Variants in TTLL5 observed in about 807,000 individuals in gnomAD.
TTLL5 encodes the protein tubulin tyrosine ligase like 5.
TTLL5 carries 132 observed loss-of-function variants against 168.4 expected under a neutral mutation model. The observed-to-expected ratio is 0.78, with a 90% CI of 0.68 to 0.91. The LOEUF is 0.91. Ranked by LOEUF, TTLL5 falls within the 40% of genes least tolerant of loss-of-function variation. The pLI, the probability that TTLL5 is intolerant of heterozygous loss-of-function variation, is 0.00. For missense variants in TTLL5, 1,545 were observed against 1,581.5 expected, an observed-to-expected ratio of 0.98 and a Z score of 0.39; for synonymous variants, 546 against 558.6, an observed-to-expected ratio of 0.98 and a Z score of 0.32.
intron 29 of TTLL5, among the ~76,000 whole-genome samples, chr14:75,865,373 G>A (rs575437562): frequency 6.6e-6 from 1 of 151,906 alleles, no homozygotes; most frequent in South Asian, 2.1e-4. Context: ...ATACTGGATA[G>A]TGGAAGTATC....
chr14:75,710,982 A>T (rs1344679265), intron 9 of TTLL5: 1 of 152,234 alleles, frequency 6.6e-6, no homozygotes, highest in African/African-American at 2.4e-5. Context: ...TTTGGACCTC[A>T]AATTAATACT....
At chr14:75,872,865 C>T (rs554873952) in intron 29 of TTLL5, among the ~76,000 whole-genome samples, 4 of 147,090 alleles carry the variant, frequency 2.7e-5, no homozygotes, top group East Asian at 2.1e-4. Flanking sequence ...GAGCCAAGAT[C>T]GTGGCCATTG....
rs1000454204 is a variant in TTLL5, at chr14:75,790,694, T to G, written c.2987-2222T>G. ...TGCCTAATCTGGTCTCGAACTTCTG[T>G]GCTAAAGTGGCCCTCCTGCCTCAGC... On this transcript the variant is annotated intron_variant, in intron 26 of 31. Coordinates refer to ENST00000298832, the MANE Select transcript of TTLL5 (RefSeq NM_015072.5). 2.6e-5 allele frequency among the ~76,000 whole-genome samples: 4 copies of G among 151,652 alleles called. No homozygotes were observed. In the South Asian group the frequency reaches 8.3e-4, roughly 32 times the overall value.
chr14:75,858,114 GTTGGGAGGAGGGGGGATCC>G (rs1209471814), intron 28 of TTLL5, among the ~76,000 whole-genome samples: 1 of 152,194 alleles, frequency 6.6e-6, no homozygotes, highest in Non-Finnish European at 1.5e-5. Flanking sequence ...CTGCGGAGAG[GTTGGGAGGAGGGGGGATCC>G]TCAGGACCCT....
Position 75,737,485 on chromosome 14 carries a change from T to A in TTLL5, c.1281+2196T>A, listed in dbSNP as rs751933783. On this transcript the variant is annotated intron_variant, in intron 15 of 31. Coordinates refer to ENST00000298832, the MANE Select transcript of TTLL5 (RefSeq NM_015072.5). Reference sequence around the variant, plus strand: ...GCTTGGAGATTATTTTTTCCTTTTTTATATCATAGATCTAGGAGATGGAAA... The same window carrying A: ...GCTTGGAGATTATTTTTTCCTTTTTAATATCATAGATCTAGGAGATGGAAA... The A allele has an allele frequency of 4.3e-6, 6 of 1,407,986 alleles. No homozygotes were observed. In the African/African-American group the frequency reaches 8.8e-5, roughly 21 times the overall value. The allele number at this position is 1,407,986 out of a possible 1,614,324, so 87.2% of individuals were successfully genotyped here.
At chr14:75,950,104 G>A (rs1281121241) in intron 31 of TTLL5, among the ~76,000 whole-genome samples, 2 of 152,108 alleles carry the variant, frequency 1.3e-5, no homozygotes, top group African/African-American at 2.4e-5. Context: ...ACACAAAATA[G>A]AGAAACCTAA....
At chr14:75,804,634 G>A (rs1893544181) in intron 27 of TTLL5, among the ~76,000 whole-genome samples, 1 of 152,174 alleles carries the variant, frequency 6.6e-6, no homozygotes, top group Non-Finnish European at 1.5e-5. Context: ...TTTCTTAGTA[G>A]AAAAAGTTGT....
intron 6 of TTLL5, among the ~76,000 whole-genome samples, chr14:75,693,352 A>C (rs188055130): frequency 6.6e-6 from 1 of 152,324 alleles, no homozygotes; most frequent in Admixed American, 6.5e-5. Context: ...AGGATTGGAC[A>C]TGAGGATTGC....
intron 18 of TTLL5, among the ~76,000 whole-genome samples, chr14:75,761,022 C>T (rs1160224108): frequency 1.3e-5 from 2 of 152,028 alleles, no homozygotes; most frequent in African/African-American, 4.8e-5. Context: ...CTATCAAGAA[C>T]TCCTACAACT....
rs771277300 is a variant in TTLL5, at chr14:75,783,142, A to C, written c.2603-5A>C. ...TGATGTCTTGTTTTGTTTTGTTTTT[A>C]ATAGGATTTACCACTTCAGCAGAAA... On this transcript the variant is annotated splice_polypyrimidine_tract_variant and splice_region_variant and intron_variant, in intron 25 of 31. Transcript: ENST00000298832. 1.9e-6 allele frequency: 3 copies of C among 1,596,148 alleles called. No individual in the cohort carries two copies. Among genetic ancestry groups the C allele is most frequent in the Non-Finnish European group, 2.6e-6 (3 of 1,174,134 alleles).
intron 31 of TTLL5, chr14:75,906,676 A>C (rs1405730815): frequency 2.0e-6 from 2 of 985,882 alleles, no homozygotes; most frequent in East Asian, 2.3e-4. Context: ...GGCCAATTTA[A>C]GGTAACGGTA....
chr14:75,826,298 C>CACACACACAA (rs755036129), intron 28 of TTLL5, among the ~76,000 whole-genome samples: 1 of 127,472 alleles, frequency 7.8e-6, no homozygotes, highest in Non-Finnish European at 1.8e-5. Context: ...GATACGCGTA[C>CACACACACAA]ACACACACAC....
At chr14:75,895,600 A>G (rs2032618386) in intron 30 of TTLL5, among the ~76,000 whole-genome samples, 1 of 152,118 alleles carries the variant, frequency 6.6e-6, no homozygotes, top group African/African-American at 2.4e-5. Flanking sequence ...AGATAATCAT[A>G]ATGAAAATTA....
chr14:75,806,620 T>C (rs1437191461), intron 27 of TTLL5, among the ~76,000 whole-genome samples: 2 of 152,214 alleles, frequency 1.3e-5, no homozygotes, highest in Non-Finnish European at 2.9e-5. Context: ...AGGCTCAGTG[T>C]AGATGCCACT....
intron 31 of TTLL5, among the ~76,000 whole-genome samples, chr14:75,942,223 G>A (rs1022520975): frequency 6.6e-6 from 1 of 151,872 alleles, no homozygotes; most frequent in Non-Finnish European, 1.5e-5. Flanking sequence ...CCTTCAGACA[G>A]CTGATGAGTG....
chr14:75,683,476 T>G (rs1884786859), intron 4 of TTLL5, 74 bp from the exon 5 acceptor site: 10 of 1,235,428 alleles, frequency 8.1e-6, no homozygotes, highest in African/African-American at 1.5e-5. Context: ...TGTGGCTTTT[T>G]CTGCCATTGC....
At chr14:75,738,885 G>C (rs1325679544) in intron 15 of TTLL5, among the ~76,000 whole-genome samples, 2 of 152,102 alleles carry the variant, frequency 1.3e-5, no homozygotes, top group Admixed American at 1.3e-4. Context: ...GCTCACTACA[G>C]CCTGGACTTC....
At chr14:75,663,859 G>A (rs147216950) in intron 2 of TTLL5, among the ~76,000 whole-genome samples, 3,568 of 152,098 alleles carry the variant, frequency 0.023, 139 homozygotes, top group African/African-American at 0.081. Flanking sequence ...CGAGGTGAGC[G>A]GATCACCTGA....
intron 27 of TTLL5, among the ~76,000 whole-genome samples, chr14:75,800,144 G>A (rs1230455860): frequency 2.0e-5 from 3 of 152,106 alleles, no homozygotes; most frequent in African/African-American, 7.2e-5. Context: ...CAAACTTCTT[G>A]GAGGCTTTGT....
Sources: allele counts gnomAD v4.1 joint callset (sites outside exome capture counted in the v4.1 genomes callset), GRCh38; gene constraint gnomAD v4.1.1; transcripts MANE v1.5; gene names NCBI Gene and HGNC (gene_info 2026-07-23, HGNC 2026-07-21).